Variants in PDHX observed in about 807,000 individuals in gnomAD.
PDHX encodes pyruvate dehydrogenase protein X component, mitochondrial.
In PDHX, 33 loss-of-function variants were observed where a neutral mutation model predicts 55.3. That is an observed-to-expected ratio of 0.60 (90% CI 0.45 to 0.80). The LOEUF (loss-of-function observed/expected upper bound fraction) is 0.80. Among genes scored for constraint, PDHX ranks in the 30% least tolerant of loss-of-function variants. PDHX has a pLI of 0.00. For missense variants in PDHX, 622 were observed against 619.9 expected (o/e 1.00, Z -0.04); for synonymous variants, 226 against 219.4 (o/e 1.03, Z -0.27).
intron 9 of PDHX, 80 bp from the exon 10 acceptor site, chr11:34,992,235 T>G: frequency 1.3e-6 from 1 of 791,034 alleles, no homozygotes. Context: ...TGAGAGTATA[T>G]GATGTACAAA....
intron 2 of PDHX, 98 bp downstream of exon 2, chr11:34,931,582 T>C: frequency 1.4e-6 from 1 of 699,022 alleles, no homozygotes; most frequent in South Asian, 1.6e-5. Context: ...CAGTATGTGA[T>C]ATAAATTAAA....
In PDHX at chr11:34,995,332, A is replaced by G. The variant is rs1337651235; in HGVS notation, c.*160A>G. ...TTGACCCAGGGTGTCTTCATCTTCA[A>G]TTTGGGTTTAATGTTATAGAAATAA... On this transcript the variant is annotated 3_prime_UTR_variant, in exon 11 of 11. Transcript: ENST00000227868. 4 of 724,752 alleles carry G rather than the reference A, an allele frequency of 5.5e-6. No individual in the cohort carries two copies. Among genetic ancestry groups the G allele is most frequent in the East Asian group, 2.7e-5 (1 of 36,584 alleles). The allele number at this position is 724,752 out of a possible 1,614,324, so 44.9% of individuals were successfully genotyped here.
chr11:34,970,375 ATTGTGTAGCTTTTAATTT>A (rs1855232313), intron 7 of PDHX, 89 bp downstream of exon 7: 1 of 1,071,928 alleles, frequency 9.3e-7, no homozygotes, highest in Non-Finnish European at 1.4e-6. Flanking sequence ...TAAAAGCTAC[ATTGTGTAGCTTTTAATTT>A]CAATTTCATA....
At chr11:34,960,799 CTT>C (rs1855008619) in intron 5 of PDHX, among the ~76,000 whole-genome samples, 2 of 152,058 alleles carry the variant, frequency 1.3e-5, no homozygotes, top group South Asian at 2.1e-4. Context: ...AACAGTGAAA[CTT>C]TATACAGTAT....
At chr11:34,943,567 C>G (rs1451876689) in intron 2 of PDHX, among the ~76,000 whole-genome samples, 2 of 152,126 alleles carry the variant, frequency 1.3e-5, no homozygotes, top group African/African-American at 2.4e-5. Context: ...GTTTTAACCA[C>G]TAAAACATTT....
At chr11:34,927,791 G>A (rs907737773) in intron 1 of PDHX, among the ~76,000 whole-genome samples, 1 of 152,084 alleles carries the variant, frequency 6.6e-6, no homozygotes, top group African/African-American at 2.4e-5. Context: ...ATAAGCGAGT[G>A]TAATCTATCA....
intron 9 of PDHX, among the ~76,000 whole-genome samples, chr11:34,990,245 A>G (rs535154249): frequency 3.9e-5 from 6 of 152,342 alleles, no homozygotes; most frequent in African/African-American, 1.4e-4. Flanking sequence ...ATAGCAAGGC[A>G]TTCGATGTAT....
chr11:34,974,260 T>C (rs938138145), intron 7 of PDHX, among the ~76,000 whole-genome samples: 7 of 152,218 alleles, frequency 4.6e-5, no homozygotes, highest in African/African-American at 1.7e-4. Flanking sequence ...AGTGGGATCA[T>C]ATAGTACTTG....
chr11:34,976,302 G>A (rs1032118089), intron 7 of PDHX, among the ~76,000 whole-genome samples: 1 of 152,136 alleles, frequency 6.6e-6, no homozygotes, highest in Non-Finnish European at 1.5e-5. Context: ...TTGACAATGT[G>A]TAAATGAGAA....
chr11:34,919,360 G>A (rs16926457), intron 1 of PDHX, among the ~76,000 whole-genome samples: 3,736 of 152,248 alleles, frequency 0.025, 80 homozygotes, highest in South Asian at 0.084. Flanking sequence ...TTGGATTACT[G>A]TAAACTATAT....
chr11:34,924,740 A>G (rs1853976810), intron 1 of PDHX, among the ~76,000 whole-genome samples: 1 of 152,120 alleles, frequency 6.6e-6, no homozygotes, highest in Admixed American at 6.5e-5. Context: ...GCACAATAGT[A>G]CATGCATATA....
At chr11:34,974,348 C>A (rs903119195) in intron 7 of PDHX, among the ~76,000 whole-genome samples, 1 of 152,082 alleles carries the variant, frequency 6.6e-6, no homozygotes, top group African/African-American at 2.4e-5. Flanking sequence ...TAAAAATTTC[C>A]TTTTTAAGGC....
At chr11:34,962,098 T>C (rs371819625) in intron 5 of PDHX, among the ~76,000 whole-genome samples, 1 of 152,118 alleles carries the variant, frequency 6.6e-6, no homozygotes, top group East Asian at 1.9e-4. Flanking sequence ...GGAATAAGAG[T>C]CTGTATTTAA....
intron 2 of PDHX, among the ~76,000 whole-genome samples, chr11:34,946,284 AT>A (rs202066589): frequency 2.0e-5 from 3 of 147,680 alleles, no homozygotes; most frequent in African/African-American, 2.5e-5. Context: ...ACCTGATACC[AT>A]TTTTTTTTAA....
At position 34,947,542 on chromosome 11, in the gene PDHX, T is replaced by C; in HGVS notation, c.278T>C (p.Ile93Thr). Reference sequence around the variant, plus strand: ...AGTGCTGGAGATGCATTATGTGAAATTGAGACTGACAAAGCTGTGGTTACC... The same window carrying C: ...AGTGCTGGAGATGCATTATGTGAAACTGAGACTGACAAAGCTGTGGTTACC... ...AVSAGDALCEIETDKAVVTLD... is the reference protein window; with the variant it reads ...AVSAGDALCETETDKAVVTLD... Residue 93 changes from isoleucine to threonine, a missense_variant, in exon 3 of 11, where the codon ATT (isoleucine) becomes ACT (threonine). Coordinates refer to ENST00000227868, the MANE Select transcript of PDHX (RefSeq NM_003477.3). 1.2e-6 allele frequency: 2 copies of C among 1,613,628 alleles called. No homozygotes were observed. Among genetic ancestry groups the C allele is most frequent in the Non-Finnish European group, 1.7e-6 (2 of 1,179,648 alleles).
Position 34,970,232 on chromosome 11 carries a change from A to G in PDHX, c.910A>G (p.Thr304Ala), listed in dbSNP as rs746327927. 1.9e-6 allele frequency: 3 copies of G among 1,613,550 alleles called. No individual in the cohort carries two copies. Among genetic ancestry groups the G allele is most frequent in the Non-Finnish European group, 2.5e-6 (3 of 1,179,468 alleles). ...SKSTVPHAYA[T>A]ADCDLGAVLK... is the part of the protein sequence containing the mutation. ...AAGTACTGTACCTCATGCATATGCT[A>G]CTGCTGACTGTGACCTTGGAGCTGT... The change falls in exon 7 of 11, where the codon ACT becomes GCT. Residue 304 changes from threonine to alanine, a missense_variant. Transcript: ENST00000227868.
At chr11:34,992,975 C>T (rs900650492) in intron 10 of PDHX, among the ~76,000 whole-genome samples, 1 of 152,086 alleles carries the variant, frequency 6.6e-6, no homozygotes, top group Non-Finnish European at 1.5e-5. Context: ...TGAGAATTCC[C>T]ATTGCTCCAC....
At chr11:34,981,550 G>C (rs1416898529) in intron 8 of PDHX, among the ~76,000 whole-genome samples, 1 of 152,162 alleles carries the variant, frequency 6.6e-6, no homozygotes, top group Non-Finnish European at 1.5e-5. Flanking sequence ...GGTATTTCTA[G>C]TTCTAGATCC....
chr11:34,968,621 A>T (rs1855187497), intron 6 of PDHX, among the ~76,000 whole-genome samples: 1 of 152,218 alleles, frequency 6.6e-6, no homozygotes, highest in Non-Finnish European at 1.5e-5. Context: ...AAGAAATAAG[A>T]TACTCATGTT....
Sources: gnomAD v4.1 joint callset for allele counts (sites outside exome capture counted in the v4.1 genomes callset) on GRCh38, gnomAD v4.1.1 for gene constraint, MANE v1.5 for transcripts, NCBI Gene and HGNC (gene_info 2026-07-23, HGNC 2026-07-21) for gene names.